The following ADAMTSL1 variants were observed in gnomAD, a reference collection of about 807,000 sequenced individuals.
ADAMTSL1 encodes the protein ADAMTS-like protein 1.
In ADAMTSL1, 126 loss-of-function variants were observed where a neutral mutation model predicts 201.8. The observed-to-expected ratio is 0.62, with a 90% confidence interval of 0.54 to 0.72. The LOEUF (loss-of-function observed/expected upper bound fraction) is 0.72, where lower values mean the gene tolerates loss of function less well. Ranked by LOEUF, ADAMTSL1 falls within the 30% of genes least tolerant of loss-of-function variation. ADAMTSL1 has a pLI of 0.00. For synonymous variants in ADAMTSL1, 1,121 were observed against 903.4 expected (o/e 1.24, Z -4.32); for missense variants, 2,679 against 2,277.8 (o/e 1.18, Z -3.59).
rs146839770 is a variant in ADAMTSL1 at position 18,367,834 on chromosome 9, G to A, written c.208-136995G>A. 5.8e-3 allele frequency among the ~76,000 whole-genome samples: 876 copies of A among 152,156 alleles called. 3 individuals carry two copies. Among genetic ancestry groups the A allele is most frequent in the Middle Eastern group, 0.02 (6 of 294 alleles). ...CAACGGATGGGTGGATGGATGGGCG[G>A]GCAGGTGGGCAGTCAGACATAGCTC... is the stretch of plus-strand genomic sequence containing the variant. On this transcript the variant is annotated intron_variant, in intron 2 of 29. Coordinates refer to the ADAMTSL1 transcript ENST00000680146.
chr9:18,731,180 C>T (rs1818196632), intron 15 of ADAMTSL1, among the ~76,000 whole-genome samples: 1 of 152,030 alleles, frequency 6.6e-6, no homozygotes, highest in African/African-American at 2.4e-5. Context: ...CTAAATATTC[C>T]CCACCAGGAG....
At chr9:18,107,838 A>T (rs1354797862) in intron 1 of ADAMTSL1, among the ~76,000 whole-genome samples, 1 of 152,150 alleles carries the variant, frequency 6.6e-6, no homozygotes, top group Admixed American at 6.6e-5. Flanking sequence ...AAGTTACGCC[A>T]GGAAGTGTTA....
rs1160734841 is a variant in ADAMTSL1 at position 18,134,715 on chromosome 9, G to A, written c.88-29147G>A. ...CCTTAGATTTACTAAAGTCATTATC[G>A]AATATAGGGAGATGAATTCACTGGA... On this transcript the variant is annotated intron_variant, in intron 1 of 29. Transcript: ENST00000680146. 3.2e-4 allele frequency among the ~76,000 whole-genome samples: 48 copies of A among 152,126 alleles called. 1 individual carries two copies. The highest frequency in any genetic ancestry group is 3.1e-3 in the Admixed American group (48 of 15,264).
At chr9:18,556,903 A>T (rs183296846) in intron 3 of ADAMTSL1, among the ~76,000 whole-genome samples, 1 of 152,024 alleles carries the variant, frequency 6.6e-6, no homozygotes, top group African/African-American at 2.4e-5. Flanking sequence ...TTGTCACCAA[A>T]TCTATGATGT....
chr9:18,258,797 G>A (rs1384954946), intron 2 of ADAMTSL1, among the ~76,000 whole-genome samples: 1 of 152,036 alleles, frequency 6.6e-6, no homozygotes, highest in Non-Finnish European at 1.5e-5. Context: ...CTTTCTCCTT[G>A]TCATAACCAC....
intron 14 of ADAMTSL1, 92 bp downstream of exon 14, chr9:18,707,140 C>G (rs1832280036): frequency 6.9e-7 from 1 of 1,450,496 alleles, no homozygotes; most frequent in Non-Finnish European, 9.2e-7. Flanking sequence ...GCCTCAAATC[C>G]AAGAATGATA....
At chr9:18,303,754 G>A (rs975749566) in intron 2 of ADAMTSL1, among the ~76,000 whole-genome samples, 3 of 152,134 alleles carry the variant, frequency 2.0e-5, no homozygotes, top group African/African-American at 7.2e-5. Flanking sequence ...TGAGGAGAAG[G>A]GTGATGGTTT....
intron 1 of ADAMTSL1, among the ~76,000 whole-genome samples, chr9:18,081,520 A>G (rs1217595156): frequency 6.6e-6 from 1 of 152,210 alleles, no homozygotes; most frequent in Non-Finnish European, 1.5e-5. Flanking sequence ...TGAAAATTGT[A>G]TGCAGGTGGA....
intron 7 of ADAMTSL1, among the ~76,000 whole-genome samples, 197 bp from the exon 8 acceptor site, chr9:18,657,442 T>C (rs533253636): frequency 1.3e-5 from 2 of 152,218 alleles, no homozygotes; most frequent in Non-Finnish European, 2.9e-5. Context: ...AAGATAATGA[T>C]AGTGAAAGCT....
At chr9:18,676,031 A>T in intron 10 of ADAMTSL1, 124 bp downstream of exon 10, 1 of 928,108 alleles carries the variant, frequency 1.1e-6, no homozygotes, top group Non-Finnish European at 1.7e-6. Flanking sequence ...GGTAGATGGT[A>T]TATTTTGCAA....
chr9:18,048,474 A>T (rs1346449246), intron 1 of ADAMTSL1, among the ~76,000 whole-genome samples: 1 of 152,176 alleles, frequency 6.6e-6, no homozygotes, highest in Non-Finnish European at 1.5e-5. Context: ...ATAGTGGCTC[A>T]TTAATTGTAA....
chr9:18,666,898 T>C lies in ADAMTSL1; in HGVS notation c.1085+4825T>C, dbSNP rs973694486. On this transcript the variant is annotated intron_variant, in intron 9 of 28. Transcript: ENST00000380548. ...GACAGTTAAGGCTGTCTGGAGGAAA[T>C]TGTGCAAGTTACACTTTGTGAGACA... 3.9e-5 allele frequency among the ~76,000 whole-genome samples: 6 copies of C among 152,178 alleles called. No individual in the cohort carries two copies. The East Asian group carries it at 7.7e-4, about 20-fold the overall frequency.
At chr9:18,724,555 C>T (rs1190241068) in intron 15 of ADAMTSL1, among the ~76,000 whole-genome samples, 1 of 152,190 alleles carries the variant, frequency 6.6e-6, no homozygotes, top group Non-Finnish European at 1.5e-5. Context: ...TTTTTTAGAA[C>T]ACTTTTTAAA....
intron 9 of ADAMTSL1, among the ~76,000 whole-genome samples, chr9:18,669,032 C>T (rs1160820985): frequency 6.6e-6 from 1 of 152,208 alleles, no homozygotes; most frequent in African/African-American, 2.4e-5. Context: ...GTGCAGCCTT[C>T]ATGCCATCAA....
At chr9:18,429,640 G>T (rs768482463) in intron 2 of ADAMTSL1, among the ~76,000 whole-genome samples, 1 of 152,036 alleles carries the variant, frequency 6.6e-6, no homozygotes, top group Non-Finnish European at 1.5e-5. Context: ...TATTCATTAG[G>T]CCTAAATAAT....
intron 2 of ADAMTSL1, among the ~76,000 whole-genome samples, chr9:18,199,298 G>A (rs529475679): frequency 5.3e-5 from 8 of 152,040 alleles, no homozygotes; most frequent in African/African-American, 1.9e-4. Context: ...TTCTCTGTTA[G>A]GATAGTCTCA....
Position 18,777,217 on chromosome 9 carries a change from A to G in ADAMTSL1, c.2988A>G (p.Lys996=), listed in dbSNP as rs1368246354. 1 of 1,612,818 alleles carries G rather than the reference A, an allele frequency of 6.2e-7. No individual in the cohort carries two copies. The highest frequency in any genetic ancestry group is 1.1e-5 in the South Asian group (1 of 91,082). Residue 996 remains lysine, a synonymous_variant, in exon 19 of 29, where the codon AAA becomes AAG. Coordinates refer to ENST00000380548, the MANE Select transcript of ADAMTSL1 (RefSeq NM_001040272.6). The part of the protein sequence containing the change: ...GGPKEALQTH[K]HQNGIFSNGS... ...CGAAGGAGGCCCTGCAGACCCACAAACACCAGAACGGGATCTTCTCCAACG... is the reference window on the plus strand; with the variant it reads ...CGAAGGAGGCCCTGCAGACCCACAAGCACCAGAACGGGATCTTCTCCAACG...
chr9:18,696,695 C>T (rs1483357508), intron 13 of ADAMTSL1, among the ~76,000 whole-genome samples: 1 of 151,940 alleles, frequency 6.6e-6, no homozygotes, highest in East Asian at 1.9e-4. Flanking sequence ...GCCAGCCTGC[C>T]AGAGTTCAAG....
At chr9:17,921,057 T>A (rs1826279758) in intron 1 of ADAMTSL1, among the ~76,000 whole-genome samples, 1 of 152,248 alleles carries the variant, frequency 6.6e-6, no homozygotes, top group South Asian at 2.1e-4. Flanking sequence ...CTCAATAATT[T>A]CCTTTCCAAC....
Sources: gnomAD v4.1 joint callset for allele counts (sites outside exome capture counted in the v4.1 genomes callset) on GRCh38, gnomAD v4.1.1 for gene constraint, MANE v1.5 for transcripts, NCBI Gene and HGNC (gene_info 2026-07-23, HGNC 2026-07-21) for gene names.